SH3BP5: variants seen among roughly 807,000 people sequenced by gnomAD.
SH3BP5 encodes the protein SH3 domain-binding protein 5.
In SH3BP5, 22 loss-of-function variants were observed where a neutral mutation model predicts 43.3. The observed-to-expected ratio is 0.51, with a 90% CI of 0.36 to 0.73. The LOEUF (loss-of-function observed/expected upper bound fraction) is 0.73, where lower values mean the gene tolerates loss of function less well. SH3BP5 is among the 30% of genes least tolerant of loss of function. The pLI is 0.00. For missense variants in SH3BP5, 529 were observed against 586.9 expected, an observed-to-expected ratio of 0.90 and a Z score of 1.02; for synonymous variants, 255 against 225.8, an observed-to-expected ratio of 1.13 and a Z score of -1.16.
intron 3 of SH3BP5, among the ~76,000 whole-genome samples, chr3:15,287,242 A>C (rs1475828517): frequency 6.6e-6 from 1 of 152,250 alleles, no homozygotes; most frequent in Non-Finnish European, 1.5e-5. Context: ...TGTGGGTATT[A>C]ACCCACATGA....
At chr3:15,332,226 C>T in intron 1 of SH3BP5, 45 bp downstream of exon 1, 1 of 1,549,294 alleles carries the variant, frequency 6.5e-7, no homozygotes, top group African/African-American at 1.4e-5. Context: ...ACCTCCGTAG[C>T]AGCCCTCGCG....
At chr3:15,288,401 G>C (rs769290600) in intron 3 of SH3BP5, among the ~76,000 whole-genome samples, 43 of 152,354 alleles carry the variant, frequency 2.8e-4, no homozygotes, top group Admixed American at 6.5e-4. Flanking sequence ...ACTTTGGTAA[G>C]ATAATTCAGC....
chr3:15,293,898 C>A (rs574890615), intron 3 of SH3BP5, among the ~76,000 whole-genome samples: 16 of 151,754 alleles, frequency 1.1e-4, no homozygotes, highest in Non-Finnish European at 1.9e-4. Context: ...GCCAACATGA[C>A]GAAATCCTGT....
At chr3:15,273,381 A>G (rs1696871748) in intron 3 of SH3BP5, 1 of 985,414 alleles carries the variant, frequency 1.0e-6, no homozygotes, top group Non-Finnish European at 1.2e-6. Context: ...GTATCTGATG[A>G]GTTCCAAATA....
upstream of SH3BP5, among the ~76,000 whole-genome samples, chr3:15,336,894 C>T (rs1021655929): frequency 6.6e-6 from 1 of 152,066 alleles, no homozygotes; most frequent in African/African-American, 2.4e-5. Context: ...TTAAAATCAC[C>T]ACACTACAGT....
intron 2 of SH3BP5, among the ~76,000 whole-genome samples, chr3:15,309,499 T>C (rs954980627): frequency 6.6e-6 from 1 of 152,174 alleles, no homozygotes; most frequent in Admixed American, 6.5e-5. Context: ...CCTCCTGCCC[T>C]TTCCAAGTAG....
At chr3:15,328,344 G>A (rs1698516234) in intron 2 of SH3BP5, among the ~76,000 whole-genome samples, 1 of 151,950 alleles carries the variant, frequency 6.6e-6, no homozygotes, top group Non-Finnish European at 1.5e-5. Context: ...GGGCTGAGAT[G>A]TGGGCCATCT....
chr3:15,341,314 CCTT>C (rs1698762964), exon 1 of SH3BP5: 1 of 152,580 alleles, frequency 6.6e-6, no homozygotes, highest in Non-Finnish European at 1.5e-5. Context: ...CTGCCTGACT[CCTT>C]CTCATCATCC....
upstream of SH3BP5, chr3:15,332,973 A>G: frequency 1.7e-6 from 1 of 573,718 alleles, no homozygotes; most frequent in Non-Finnish European, 2.2e-6. Flanking sequence ...AAGCACACTC[A>G]TCCTCTTGAG....
intron 3 of SH3BP5, among the ~76,000 whole-genome samples, chr3:15,276,549 T>G (rs548318311): frequency 1.1e-4 from 16 of 152,286 alleles, no homozygotes; most frequent in South Asian, 4.1e-4. Flanking sequence ...AAAGACAAGA[T>G]GGAAACCCCA....
At chr3:15,320,459 C>T (rs918904579) in intron 2 of SH3BP5, among the ~76,000 whole-genome samples, 3 of 152,020 alleles carry the variant, frequency 2.0e-5, no homozygotes, top group African/African-American at 4.8e-5. Context: ...AAATGCACTA[C>T]AAAAAAGCAG....
At chr3:15,287,451 A>ATCC (rs1295254006) in intron 3 of SH3BP5, among the ~76,000 whole-genome samples, 1 of 152,208 alleles carries the variant, frequency 6.6e-6, no homozygotes, top group Non-Finnish European at 1.5e-5. Flanking sequence ...TTAATCCAGC[A>ATCC]AAGGGTAAAA....
intron 4 of SH3BP5, among the ~76,000 whole-genome samples, chr3:15,269,296 G>A (rs77752357): frequency 1.3e-3 from 203 of 152,166 alleles, no homozygotes; most frequent in Admixed American, 2.2e-3. Context: ...GCCTTCCTCC[G>A]ACAGCACATA....
intron 6 of SH3BP5, chr3:15,259,486 G>C: frequency 1.8e-6 from 1 of 569,618 alleles, no homozygotes; most frequent in Admixed American, 3.0e-5. Flanking sequence ...GGTCTATCAG[G>C]TCTCCAGGTG....
At chr3:15,274,797 CG>C (rs1696918476) in intron 3 of SH3BP5, among the ~76,000 whole-genome samples, 1 of 152,190 alleles carries the variant, frequency 6.6e-6, no homozygotes, top group Non-Finnish European at 1.5e-5. Flanking sequence ...CTACCTGCCT[CG>C]GCCTCCCAAA....
chr3:15,307,587 C>A (rs1487531131), intron 2 of SH3BP5, among the ~76,000 whole-genome samples: 1 of 152,244 alleles, frequency 6.6e-6, no homozygotes, highest in South Asian at 2.1e-4. Context: ...TCTGGGCACA[C>A]AGTCAGTGCT....
chr3:15,328,675 G>T (rs956611545), intron 2 of SH3BP5, among the ~76,000 whole-genome samples: 1 of 152,128 alleles, frequency 6.6e-6, no homozygotes, highest in African/African-American at 2.4e-5. Flanking sequence ...AGGAGTTTGA[G>T]GTTGCAGTGA....
At chr3:15,330,854 C>T in intron 1 of SH3BP5, 1 of 492,652 alleles carries the variant, frequency 2.0e-6, no homozygotes, top group Non-Finnish European at 2.6e-6. Context: ...TAAACCCCAC[C>T]TGTTACAAAT....
At chr3:15,278,740 G>A (rs767548177) in intron 3 of SH3BP5, among the ~76,000 whole-genome samples, 1 of 152,052 alleles carries the variant, frequency 6.6e-6, no homozygotes, top group African/African-American at 2.4e-5. Flanking sequence ...ATTCTCCTGA[G>A]GATTGATTCC....
Sources: gnomAD v4.1 joint callset for allele counts (sites outside exome capture counted in the v4.1 genomes callset) on GRCh38, gnomAD v4.1.1 for gene constraint, MANE v1.5 for transcripts, NCBI Gene and HGNC (gene_info 2026-07-23, HGNC 2026-07-21) for gene names.